The following KCNC2 variants were observed in gnomAD, a reference collection of about 807,000 sequenced individuals.
The protein encoded by KCNC2 is voltage-gated potassium channel KCNC2.
KCNC2 carries 21 observed loss-of-function variants against 44.5 expected under a neutral mutation model. That is an observed-to-expected ratio of 0.47 (90% CI 0.33 to 0.68). The LOEUF (loss-of-function observed/expected upper bound fraction) is 0.68, where lower values mean the gene tolerates loss of function less well. Ranked by LOEUF, KCNC2 falls within the 30% of genes least tolerant of loss-of-function variation. The pLI is 0.01. For missense variants in KCNC2, 589 were observed against 826.2 expected, an observed-to-expected ratio of 0.71 and a Z score of 3.52; for synonymous variants, 391 against 339.1, an observed-to-expected ratio of 1.15 and a Z score of -1.68.
intron 2 of KCNC2, among the ~76,000 whole-genome samples, chr12:75,174,638 G>C (rs544542883): frequency 6.6e-6 from 1 of 151,750 alleles, no homozygotes; most frequent in Non-Finnish European, 1.5e-5. Flanking sequence ...TTTAATCCAG[G>C]CTTTACTTGG....
chr12:75,128,727 C>A (rs1334922211), intron 2 of KCNC2, among the ~76,000 whole-genome samples: 1 of 152,090 alleles, frequency 6.6e-6, no homozygotes, highest in Non-Finnish European at 1.5e-5. Context: ...AAAGGTTAAG[C>A]TTTAAACTCA....
intron 2 of KCNC2, among the ~76,000 whole-genome samples, chr12:75,057,955 A>G (rs569209574): frequency 6.6e-6 from 1 of 152,052 alleles, no homozygotes; most frequent in South Asian, 2.1e-4. Context: ...TTGGAATTGT[A>G]ATTGTTTGTT....
At chr12:75,137,383 G>A (rs934911507) in intron 2 of KCNC2, among the ~76,000 whole-genome samples, 1 of 152,092 alleles carries the variant, frequency 6.6e-6, no homozygotes, top group Non-Finnish European at 1.5e-5. Context: ...TCTTCCCAAA[G>A]TTCCAGGATT....
At position 75,041,026 on chromosome 12, in the gene KCNC2, C is replaced by A. The variant is rs960781196; in HGVS notation, c.*2079G>T. On this transcript the variant is annotated 3_prime_UTR_variant, in exon 5 of 5. Coordinates refer to ENST00000549446, the MANE Select transcript of KCNC2 (RefSeq NM_139137.4). Reference sequence around the variant, plus strand: ...TGGGGAGCACCAGATGAGTTCCAGCCGCAGTTCTTTTATAAGCTTTAAGTG... The same window carrying A: ...TGGGGAGCACCAGATGAGTTCCAGCAGCAGTTCTTTTATAAGCTTTAAGTG... 3.3e-6 allele frequency: 4 copies of A among 1,196,614 alleles called. No homozygotes were observed. In the South Asian group the frequency reaches 3.7e-5, roughly 11 times the overall value. The allele number at this position is 1,196,614 out of a possible 1,614,324, so 74.1% of individuals were successfully genotyped here. A position where few individuals can be genotyped will look rare whatever the true frequency, so the allele number is the denominator to read the frequency against.
At chr12:75,064,187 C>T (rs1488188602) in intron 2 of KCNC2, among the ~76,000 whole-genome samples, 36 of 152,126 alleles carry the variant, frequency 2.4e-4, no homozygotes, top group Non-Finnish European at 8.8e-5. Flanking sequence ...CAATTAAGTT[C>T]TATTTTAAAA....
At chr12:75,155,196 C>T (rs1019642089) in intron 2 of KCNC2, among the ~76,000 whole-genome samples, 1 of 151,858 alleles carries the variant, frequency 6.6e-6, no homozygotes. Context: ...GCCATCAATG[C>T]ATAAATTGGA....
At chr12:75,172,914 A>G (rs1891930775) in intron 2 of KCNC2, among the ~76,000 whole-genome samples, 1 of 151,884 alleles carries the variant, frequency 6.6e-6, no homozygotes, top group African/African-American at 2.4e-5. Context: ...TTAACAAGGT[A>G]TAATTATTAT....
chr12:75,063,771 C>T (rs756690117), intron 2 of KCNC2, among the ~76,000 whole-genome samples: 1 of 152,010 alleles, frequency 6.6e-6, no homozygotes, highest in Non-Finnish European at 1.5e-5. Flanking sequence ...GCAAAATATG[C>T]ATATGAACCA....
chr12:75,043,352 T>G, intron 4 of KCNC2, 111 bp from the exon 5 acceptor site: 1 of 1,455,084 alleles, frequency 6.9e-7, no homozygotes, highest in Non-Finnish European at 9.0e-7. Flanking sequence ...AAGAAGAATT[T>G]GTTTACAAAG....
At chr12:75,058,205 A>G (rs1039357691) in intron 2 of KCNC2, among the ~76,000 whole-genome samples, 14 of 151,960 alleles carry the variant, frequency 9.2e-5, no homozygotes, top group Non-Finnish European at 2.1e-4. Context: ...GTTTCATTAC[A>G]CTGAAGAAAA....
At chr12:75,043,519 T>C (rs906147021) in intron 4 of KCNC2, 14 of 1,240,488 alleles carry the variant, frequency 1.1e-5, no homozygotes, top group Admixed American at 3.6e-5. Flanking sequence ...TTTTGGCATA[T>C]AGAATACTAG....
intron 2 of KCNC2, among the ~76,000 whole-genome samples, chr12:75,074,721 C>T (rs1364690387): frequency 1.3e-5 from 2 of 152,172 alleles, no homozygotes; most frequent in East Asian, 1.9e-4. Flanking sequence ...TATTATACAT[C>T]TACTGTGTTC....
At chr12:75,069,634 AT>A (rs537431909) in intron 2 of KCNC2, among the ~76,000 whole-genome samples, 41 of 152,152 alleles carry the variant, frequency 2.7e-4, no homozygotes, top group Non-Finnish European at 4.1e-4. Context: ...TCAATTAACT[AT>A]TTTGTATTAC....
rs2030079030 is a variant in KCNC2, at chr12:75,190,379, T to C, written c.687+16918A>G. Among the ~76,000 whole-genome samples, 3 of 152,302 alleles carry C rather than the reference T, an allele frequency of 2.0e-5. No homozygotes were observed. The South Asian group carries it at 6.2e-4, about 32-fold the overall frequency. ...CTTATCTCCTTTGGCTAAGTTCTGTTCCTTTATATTTCAGTGTTGTGATAG... is the reference window on the plus strand; with the variant it reads ...CTTATCTCCTTTGGCTAAGTTCTGTCCCTTTATATTTCAGTGTTGTGATAG... On this transcript the variant is annotated intron_variant, in intron 2 of 4. Coordinates refer to ENST00000549446, the MANE Select transcript of KCNC2 (RefSeq NM_139137.4).
chr12:75,044,468 T>A (rs1405129460), intron 4 of KCNC2: 2 of 151,984 alleles, frequency 1.3e-5, no homozygotes, highest in Non-Finnish European at 2.9e-5. Context: ...TTTCTTTATG[T>A]ACCTTTCAGC....
intron 2 of KCNC2, among the ~76,000 whole-genome samples, chr12:75,193,553 C>A (rs573960978): frequency 6.6e-6 from 1 of 152,094 alleles, no homozygotes; most frequent in South Asian, 2.1e-4. Flanking sequence ...AGGGAATCAA[C>A]AGAAGAGAAG....
intron 2 of KCNC2, among the ~76,000 whole-genome samples, chr12:75,089,409 A>G (rs551393305): frequency 1.3e-5 from 2 of 152,010 alleles, no homozygotes; most frequent in East Asian, 1.9e-4. Context: ...TATAAAATAG[A>G]TTCTTGTTCC....
intron 1 of KCNC2, among the ~76,000 whole-genome samples, chr12:75,208,771 T>G (rs2031917840): frequency 6.6e-6 from 1 of 152,126 alleles, no homozygotes; most frequent in Non-Finnish European, 1.5e-5. Flanking sequence ...GCTTTTCACC[T>G]AGGAGACCTC....
intron 2 of KCNC2, among the ~76,000 whole-genome samples, chr12:75,096,890 T>C (rs1885973615): frequency 6.6e-6 from 1 of 152,098 alleles, no homozygotes; most frequent in South Asian, 2.1e-4. Flanking sequence ...AGGAATAGTT[T>C]AATTTATAGA....
Sources: allele counts gnomAD v4.1 joint callset (sites outside exome capture counted in the v4.1 genomes callset), GRCh38; gene constraint gnomAD v4.1.1; transcripts MANE v1.5; gene names NCBI Gene and HGNC (gene_info 2026-07-23, HGNC 2026-07-21).